TSGA10IP: variants seen among roughly 807,000 people sequenced by gnomAD.
TSGA10IP encodes the protein testis-specific protein 10-interacting protein.
Under a neutral mutation model 63.2 loss-of-function variants are expected in TSGA10IP, and 64 were observed. The observed-to-expected ratio is 1.01, with a 90% CI of 0.83 to 1.25. TSGA10IP has a LOEUF of 1.25. Among genes scored for constraint, TSGA10IP ranks in the 50% most tolerant of loss-of-function variants. TSGA10IP has a pLI of 0.00. For missense variants in TSGA10IP, 681 were observed against 710.1 expected (o/e 0.96, Z 0.47); for synonymous variants, 316 against 298.3 (o/e 1.06, Z -0.61).
chr11:65,957,337 G>T (rs972297211), intron 5 of TSGA10IP, among the ~76,000 whole-genome samples: 16 of 152,172 alleles, frequency 1.1e-4, no homozygotes, highest in African/African-American at 7.2e-5. Flanking sequence ...TTTTAGTAGA[G>T]ACAGGGTTTC....
chr11:65,946,772 G>A (rs1009199941), intron 1 of TSGA10IP, 108 bp from the exon 2 acceptor site: 5 of 1,326,128 alleles, frequency 3.8e-6, no homozygotes. Context: ...GGCCCAGAGG[G>A]ACCCAGCCAG....
intron 4 of TSGA10IP, 53 bp downstream of exon 4, chr11:65,948,201 C>T: frequency 6.5e-7 from 1 of 1,540,956 alleles, no homozygotes; most frequent in Non-Finnish European, 8.7e-7. Flanking sequence ...AGAGATGGAG[C>T]CACTTCTCCA....
chr11:65,956,200 C>T (rs1298313946), intron 5 of TSGA10IP, among the ~76,000 whole-genome samples: 2 of 149,972 alleles, frequency 1.3e-5, no homozygotes, highest in Non-Finnish European at 3.0e-5. Context: ...TGCAATGGCG[C>T]GATCTCGGCT....
chr11:65,949,648 C>T (rs1591113842), intron 4 of TSGA10IP, among the ~76,000 whole-genome samples: 1 of 151,908 alleles, frequency 6.6e-6, no homozygotes, highest in East Asian at 1.9e-4. Flanking sequence ...AACTCCTGAC[C>T]TCGTGATCTG....
At chr11:65,953,127 T>G (rs1854967445) in intron 4 of TSGA10IP, among the ~76,000 whole-genome samples, 1 of 150,446 alleles carries the variant, frequency 6.6e-6, no homozygotes, top group Non-Finnish European at 1.5e-5. Flanking sequence ...GCTTCCCTGG[T>G]TCAAACAATT....
chr11:65,959,295 G>C lies in TSGA10IP; in HGVS notation c.1528G>C (p.Gly510Arg), dbSNP rs771896320. 2.5e-6 allele frequency: 4 copies of C among 1,611,430 alleles called. No individual in the cohort carries two copies. In the South Asian group the frequency reaches 4.4e-5, roughly 18 times the overall value. ...TGAGGCAGGAAAGGTGGACAGAGAGGGCACCCCCAGGAAACCCAGGTGAGT... is the reference window on the plus strand; with the variant it reads ...TGAGGCAGGAAAGGTGGACAGAGAGCGCACCCCCAGGAAACCCAGGTGAGT... Residue 510 changes from glycine (G) to arginine (R), a missense_variant, in exon 7 of 8, where the codon GGC becomes CGC. Transcript: ENST00000532620.
exon 3 of TSGA10IP, chr11:65,947,431 G>A (rs770093466): frequency 6.9e-6 from 11 of 1,591,888 alleles, no homozygotes; most frequent in Admixed American, 3.4e-5. Flanking sequence ...AGCTGCCTGG[G>A]AGGAGGCCAG....
At chr11:65,958,073 C>A (rs1212813868) in intron 5 of TSGA10IP, among the ~76,000 whole-genome samples, 4 of 152,198 alleles carry the variant, frequency 2.6e-5, no homozygotes, top group Non-Finnish European at 5.9e-5. Context: ...CCCACCTTGG[C>A]CTCCCAACTA....
intron 4 of TSGA10IP, among the ~76,000 whole-genome samples, chr11:65,952,447 G>GTGTA (rs944100715): frequency 7.2e-5 from 11 of 151,850 alleles, no homozygotes; most frequent in African/African-American, 2.4e-4. Flanking sequence ...GTGTGTGTGT[G>GTGTA]TGTATGTGTC....
At chr11:65,946,819 G>T (rs1220725479) in intron 1 of TSGA10IP, 61 bp from the exon 2 acceptor site, 2 of 1,578,088 alleles carry the variant, frequency 1.3e-6, no homozygotes, top group East Asian at 4.6e-5. Flanking sequence ...CCCGGGTGAG[G>T]TGCAACACAG....
intron 1 of TSGA10IP, 31 bp downstream of exon 1, chr11:65,945,853 C>A (rs1231583372): frequency 1.2e-6 from 2 of 1,607,152 alleles, no homozygotes; most frequent in Non-Finnish European, 1.7e-6. Flanking sequence ...ACACTTCCAG[C>A]TGCCTAGAGC....
chr11:65,958,730 A>G (rs1855065965), intron 5 of TSGA10IP, among the ~76,000 whole-genome samples, 153 bp from the exon 6 acceptor site: 1 of 152,248 alleles, frequency 6.6e-6, no homozygotes, highest in African/African-American at 2.4e-5. Flanking sequence ...CTGACTTCAC[A>G]AGGAATCCAG....
intron 4 of TSGA10IP, among the ~76,000 whole-genome samples, chr11:65,951,577 G>A (rs554875335): frequency 1.2e-4 from 17 of 144,654 alleles, no homozygotes; most frequent in Middle Eastern, 3.6e-3. Flanking sequence ...TCGCTCTGTC[G>A]CCCAGGCTAG....
chr11:65,956,983 T>C (rs1855035365), intron 5 of TSGA10IP, among the ~76,000 whole-genome samples: 1 of 152,222 alleles, frequency 6.6e-6, no homozygotes, highest in Non-Finnish European at 1.5e-5. Flanking sequence ...TCTCAGCCAT[T>C]ACAGCCTATG....
chr11:65,957,661 C>A (rs1264523671), intron 5 of TSGA10IP, among the ~76,000 whole-genome samples: 1 of 152,188 alleles, frequency 6.6e-6, no homozygotes, highest in Non-Finnish European at 1.5e-5. Flanking sequence ...CATGGCCCAG[C>A]AAGGCTGAGT....
chr11:65,955,705 A>G (rs984093321), intron 5 of TSGA10IP, among the ~76,000 whole-genome samples: 47 of 152,040 alleles, frequency 3.1e-4, no homozygotes, highest in African/African-American at 1.1e-3. Flanking sequence ...ATACAAGGGG[A>G]AAAGTCAGTA....
exon 5 of TSGA10IP, chr11:65,953,697 C>A: frequency 6.3e-7 from 1 of 1,577,578 alleles, no homozygotes; most frequent in Non-Finnish European, 8.6e-7. Flanking sequence ...CAGAGGGAGC[C>A]GGGGCCCTGG....
chr11:65,958,477 T>G (rs1855061738), intron 5 of TSGA10IP, among the ~76,000 whole-genome samples: 1 of 152,000 alleles, frequency 6.6e-6, no homozygotes, highest in African/African-American at 2.4e-5. Context: ...TCACCCAAAG[T>G]CACACAACCA....
At chr11:65,959,941 G>C (rs1565309776) in exon 8 of TSGA10IP, 1 of 1,613,176 alleles carries the variant, frequency 6.2e-7, no homozygotes, top group Admixed American at 1.7e-5. Context: ...CAGTCCCTGA[G>C]ATAAAATTAA....
Sources: allele counts gnomAD v4.1 joint callset (sites outside exome capture counted in the v4.1 genomes callset), GRCh38; gene constraint gnomAD v4.1.1; transcripts MANE v1.5; gene names NCBI Gene and HGNC (gene_info 2026-07-23, HGNC 2026-07-21).